ALDH1A2: variants seen among roughly 807,000 people sequenced by gnomAD.
The protein encoded by ALDH1A2 is retinal dehydrogenase 2.
A neutral mutation model predicts 60.3 loss-of-function variants in ALDH1A2; 27 were observed. That is an observed-to-expected ratio of 0.45 (90% CI 0.33 to 0.62). The LOEUF (loss-of-function observed/expected upper bound fraction) is 0.62, where lower values mean the gene tolerates loss of function less well. ALDH1A2 is among the 20% of genes least tolerant of loss of function. The pLI is 0.02. For synonymous variants in ALDH1A2, 289 were observed against 232.4 expected (o/e 1.24, Z -2.21); for missense variants, 581 against 643.8 (o/e 0.90, Z 1.06).
chr15:58,050,080 T>C (rs1363273950), intron 1 of ALDH1A2, among the ~76,000 whole-genome samples: 1 of 152,050 alleles, frequency 6.6e-6, no homozygotes, highest in Non-Finnish European at 1.5e-5. Context: ...CCAGCTTATC[T>C]CAATGTTTTT....
chr15:58,030,858 A>G (rs1442066080), intron 1 of ALDH1A2, among the ~76,000 whole-genome samples: 2 of 152,178 alleles, frequency 1.3e-5, no homozygotes, highest in Non-Finnish European at 1.5e-5. Flanking sequence ...AGAACTACAA[A>G]CCACTGCTCA....
intron 5 of ALDH1A2, 130 bp downstream of exon 5, chr15:57,994,948 C>T: frequency 1.1e-6 from 1 of 889,120 alleles, no homozygotes; most frequent in South Asian, 1.3e-5. Context: ...AAAGATATGT[C>T]AACAACATGA....
intron 4 of ALDH1A2, among the ~76,000 whole-genome samples, chr15:58,007,035 A>T (rs1271447002): frequency 6.6e-6 from 1 of 151,846 alleles, no homozygotes; most frequent in Non-Finnish European, 1.5e-5. Flanking sequence ...GAGAAAATAC[A>T]TGTGTCACAC....
At chr15:58,014,067 G>A in intron 2 of ALDH1A2, 69 bp from the exon 3 acceptor site, 1 of 1,613,904 alleles carries the variant, frequency 6.2e-7, no homozygotes, top group Admixed American at 1.7e-5. Flanking sequence ...CCACTGTCAT[G>A]AAAAAAGTGA....
intron 7 of ALDH1A2, among the ~76,000 whole-genome samples, chr15:57,986,120 C>T (rs898600296): frequency 4.6e-5 from 7 of 151,996 alleles, no homozygotes; most frequent in South Asian, 2.1e-4. Context: ...ATGGAGTAAC[C>T]GACACTGGAC....
chr15:58,016,993 T>C (rs1404032963), intron 1 of ALDH1A2, among the ~76,000 whole-genome samples: 2 of 152,176 alleles, frequency 1.3e-5, no homozygotes. Context: ...TATTTCACAA[T>C]AATTAGATGA....
Position 57,962,154 on chromosome 15 carries a change from T to C in ALDH1A2, c.1109A>G (p.Lys370Arg), listed in dbSNP as rs1893743624. 7 of 1,614,058 alleles carry C rather than the reference T, an allele frequency of 4.3e-6. No individual in the cohort carries two copies. The highest frequency in any genetic ancestry group is 1.7e-5 in the Admixed American group (1 of 60,000). Residue 370 changes from lysine to arginine, a missense_variant, in exon 10 of 13, where the codon AAG becomes AGG. By Grantham distance (26) the Lys-to-Arg change is conservative (BLOSUM62 2). Transcript: ENST00000249750. ...GPQIDKKQYN[K>R]ILELIQSGVA... The stretch of plus-strand genomic sequence containing the variant: ...ACCACTCTGGATGAGTTCCAAGATC[T>C]TGTTGTACTGTTTCTTATCAATCTG...
chr15:57,960,829 A>G lies in ALDH1A2; in HGVS notation c.1425T>C (p.Asn475=). Residue 475 remains asparagine, a synonymous_variant, in exon 12 of 13, where the codon AAT becomes AAC. Transcript: ENST00000249750. ...CAAAGGGGCTCTGGGCATTTAAGGCATTGTAACAATTGATCCTGAAAGAAG... is the reference window on the plus strand; with the variant it reads ...CAAAGGGGCTCTGGGCATTTAAGGCGTTGTAACAATTGATCCTGAAAGAAG... ...QAGTVWINCY[N]ALNAQSPFGG... is the part of the protein sequence containing the mutation. 6.2e-7 allele frequency: 1 copy of G among 1,613,964 alleles called. No individual in the cohort carries two copies.
At chr15:58,040,085 A>G (rs148278781) in intron 1 of ALDH1A2, among the ~76,000 whole-genome samples, 75 of 152,016 alleles carry the variant, frequency 4.9e-4, no homozygotes, top group African/African-American at 1.7e-3. Flanking sequence ...TATGCTCCAA[A>G]GATAATATAT....
intron 1 of ALDH1A2, chr15:58,014,565 C>G (rs531839982): frequency 2.0e-6 from 1 of 491,054 alleles, no homozygotes; most frequent in Non-Finnish European, 4.0e-6. Context: ...TACATACAAT[C>G]ATACACTGAT....
At chr15:58,037,774 G>C (rs1896413866) in intron 1 of ALDH1A2, among the ~76,000 whole-genome samples, 1 of 151,584 alleles carries the variant, frequency 6.6e-6, no homozygotes, top group Non-Finnish European at 1.5e-5. Flanking sequence ...AAGCCAAAAG[G>C]TTCTAAGAAG....
chr15:58,065,265 C>CA (rs1897147521), intron 1 of ALDH1A2: 1 of 482,834 alleles, frequency 2.1e-6, no homozygotes, highest in African/African-American at 2.0e-5. Context: ...AAACCAGCCT[C>CA]AGAGTCCGGG....
chr15:58,010,549 C>T, intron 4 of ALDH1A2, 100 bp downstream of exon 4: 1 of 1,497,490 alleles, frequency 6.7e-7, no homozygotes, highest in East Asian at 2.3e-5. Flanking sequence ...TAAGTGTGCT[C>T]ATATCTGTAT....
intron 12 of ALDH1A2, among the ~76,000 whole-genome samples, chr15:57,957,897 A>G (rs1320655638): frequency 1.4e-5 from 2 of 142,474 alleles, no homozygotes; most frequent in African/African-American, 2.5e-5. Context: ...AGGAGCTTGC[A>G]GGTGGTCAGG....
intron 1 of ALDH1A2, among the ~76,000 whole-genome samples, chr15:58,061,638 G>T (rs1052735069): frequency 1.0e-5 from 1 of 96,138 alleles, no homozygotes; most frequent in Admixed American, 9.7e-5. Context: ...GGAACAAAAC[G>T]ATGAAAAAAC....
intron 7 of ALDH1A2, chr15:57,990,574 T>C (rs1894859565): frequency 6.6e-6 from 1 of 152,182 alleles, no homozygotes; most frequent in Non-Finnish European, 1.5e-5. Flanking sequence ...TCATTTTTAA[T>C]TTAAAAAGTT....
At chr15:57,986,917 A>C (rs1271526887) in intron 7 of ALDH1A2, among the ~76,000 whole-genome samples, 9 of 152,110 alleles carry the variant, frequency 5.9e-5, no homozygotes, top group Admixed American at 5.9e-4. Context: ...AGCCTCCCAG[A>C]GTACTAGGAT....
chr15:58,041,301 A>G (rs1382768301), intron 1 of ALDH1A2, among the ~76,000 whole-genome samples: 1 of 151,920 alleles, frequency 6.6e-6, no homozygotes, highest in Non-Finnish European at 1.5e-5. Context: ...CTAAATATAG[A>G]TTGGAGTGAA....
chr15:58,024,877 C>T (rs1896034735), intron 1 of ALDH1A2, among the ~76,000 whole-genome samples: 1 of 152,046 alleles, frequency 6.6e-6, no homozygotes, highest in African/African-American at 2.4e-5. Context: ...AAATCAATGC[C>T]AAGAACAACT....
Sources: gnomAD v4.1 joint callset for allele counts (sites outside exome capture counted in the v4.1 genomes callset) on GRCh38, gnomAD v4.1.1 for gene constraint, MANE v1.5 for transcripts, NCBI Gene and HGNC (gene_info 2026-07-23, HGNC 2026-07-21) for gene names.